The following COL2A1 variants were observed in gnomAD, a reference collection of about 807,000 sequenced individuals.
The protein encoded by COL2A1 is collagen alpha-1(II) chain.
A neutral mutation model predicts 204.5 loss-of-function variants in COL2A1; 28 were observed. That is an observed-to-expected ratio of 0.14 (90% CI 0.10 to 0.19). COL2A1 has a LOEUF of 0.19. Among genes scored for constraint, COL2A1 ranks in the 10% least tolerant of loss-of-function variants. COL2A1 has a pLI of 1.00. For synonymous variants in COL2A1, 708 were observed against 718.7 expected, an observed-to-expected ratio of 0.99 and a Z score of 0.24; for missense variants, 1,388 against 2,027.5, an observed-to-expected ratio of 0.68 and a Z score of 6.06.
chr12:47,995,657 G>A lies in COL2A1; in HGVS notation c.708+53C>T, dbSNP rs1417188237. ...AGGGACAGCAGCTGCGGTCCTAGTG[G>A]TCTATCATTAGAGGCTCCCCCAGAG... On this transcript the variant is annotated intron_variant, in intron 10 of 53. Coordinates refer to ENST00000380518, the MANE Select transcript of COL2A1 (RefSeq NM_001844.5). 2.6e-6 allele frequency: 4 copies of A among 1,544,862 alleles called. No individual in the cohort carries two copies. The African/African-American group carries it at 4.1e-5, about 16-fold the overall frequency.
At position 47,995,293 on chromosome 12, in the gene COL2A1, G is replaced by C; in HGVS notation, c.724C>G (p.Arg242Gly). The C allele has an allele frequency of 6.2e-7, 1 of 1,613,550 alleles. No individual in the cohort carries two copies. The highest frequency in any genetic ancestry group is 1.1e-5 in the South Asian group (1 of 91,066). The change falls in exon 11 of 54, where the codon CGT becomes GGT. Residue 242 changes from arginine (R) to glycine (G), a missense_variant. Arg to Gly is a moderately radical substitution (Grantham distance 125). Coordinates refer to ENST00000380518, the MANE Select transcript of COL2A1 (RefSeq NM_001844.5). ...EPGVSGPMGPRGPPGPPGKPG... is the reference protein window; with the variant it reads ...EPGVSGPMGPGGPPGPPGKPG... ...TTTCCAGGGGGACCAGGAGGACCAC[G>C]GGGACCCATGGGACCCTACAAACAA...
intron 47 of COL2A1, 34 bp downstream of exon 47, chr12:47,977,068 G>A: frequency 6.3e-7 from 1 of 1,593,066 alleles, no homozygotes; most frequent in South Asian, 1.1e-5. Flanking sequence ...CCTATCCCTG[G>A]TGGGGACTCA....
chr12:47,981,302 G>A, intron 37 of COL2A1, 41 bp downstream of exon 37: 1 of 1,603,118 alleles, frequency 6.2e-7, no homozygotes, highest in East Asian at 2.2e-5. Flanking sequence ...TGGTTCCCAG[G>A]GGCCTCGGGC....
chr12:47,981,308 C>T (rs755370016), intron 37 of COL2A1, 35 bp downstream of exon 37: 40 of 1,606,520 alleles, frequency 2.5e-5, no homozygotes, highest in South Asian at 1.5e-4. Flanking sequence ...CCAGGGGCCT[C>T]GGGCAGAGCC....
At position 47,980,998 on chromosome 12, in the gene COL2A1, C is replaced by G; in HGVS notation, c.2464-30G>C. 6.5e-7 allele frequency: 1 copy of G among 1,546,914 alleles called. No individual in the cohort carries two copies. Among genetic ancestry groups the G allele is most frequent in the Non-Finnish European group, 8.7e-7 (1 of 1,144,610 alleles). On this transcript the variant is annotated intron_variant, in intron 37 of 53. Coordinates refer to ENST00000380518, the MANE Select transcript of COL2A1 (RefSeq NM_001844.5). The surrounding 1 kb of genome is among the most constrained non-coding windows in gnomAD (Gnocchi z 4.5). ...GAGAGAAGGGGGCATGGCGAGAGGT[C>G]AGGCCCCGCTGCCTGACCTGCTTCT...
At chr12:47,989,404 T>TA (rs1366576344) in intron 17 of COL2A1, 123 bp from the exon 18 acceptor site, 1 of 890,726 alleles carries the variant, frequency 1.1e-6, no homozygotes, top group Non-Finnish European at 1.8e-6. Context: ...CCATTGTGGC[T>TA]AAAAGGCCTT....
chr12:47,992,112 T>A lies in COL2A1; in HGVS notation c.1023+766A>T, dbSNP rs546786115. ...TAATCTTTCTTAAACACAGCTTTCA[T>A]CGCATCACTCGCCTGACCAAGTGCC... is the stretch of plus-strand genomic sequence containing the variant. On this transcript the variant is annotated intron_variant, in intron 16 of 53. Transcript: ENST00000380518. Among the ~76,000 whole-genome samples the A allele has an allele frequency of 3.3e-5, 5 of 152,280 alleles. No homozygotes were observed. In the East Asian group the frequency reaches 9.7e-4, roughly 29 times the overall value.
intron 16 of COL2A1, among the ~76,000 whole-genome samples, chr12:47,991,186 C>T (rs1196007831): frequency 6.6e-6 from 1 of 152,180 alleles, no homozygotes; most frequent in Non-Finnish European, 1.5e-5. Context: ...TCTGGAGCAC[C>T]CTCTCCCCAG....
chr12:47,999,802 G>T, intron 2 of COL2A1, 117 bp downstream of exon 2: 1 of 864,574 alleles, frequency 1.2e-6, no homozygotes, highest in Non-Finnish European at 1.9e-6. Context: ...CCAGCTACCA[G>T]GTCCCATGGA....
chr12:47,981,009 GC>G, intron 37 of COL2A1, 41 bp from the exon 38 acceptor site: 1 of 1,536,384 alleles, frequency 6.5e-7, no homozygotes, highest in Non-Finnish European at 8.8e-7. Context: ...AGGCCCCGCT[GC>G]CTGACCTGCT....
At chr12:47,973,953 T>G (rs1938561230) in intron 53 of COL2A1, 136 bp downstream of exon 53, 1 of 1,256,208 alleles carries the variant, frequency 8.0e-7, no homozygotes, top group Admixed American at 1.8e-5. Flanking sequence ...CAGCCTATCT[T>G]CTCTACATGA....
At chr12:47,986,110 G>A (rs1939389350) in intron 23 of COL2A1, 145 bp from the exon 24 acceptor site, 1 of 881,396 alleles carries the variant, frequency 1.1e-6, no homozygotes, top group African/African-American at 1.7e-5. Context: ...GTTAACTTCT[G>A]GAGCCTGCCC....
rs1938721843 is a variant in COL2A1 at position 47,976,627 on chromosome 12, G to A, written c.3436-60C>T. ...GCACAGACATATCTATCTATATTCTGGGAGCTGGGGGAACAGCTTTATGTC... is the reference window on the plus strand; with the variant it reads ...GCACAGACATATCTATCTATATTCTAGGAGCTGGGGGAACAGCTTTATGTC... On this transcript the variant is annotated intron_variant, in intron 48 of 53. Transcript: ENST00000380518. The surrounding 1 kb of genome is among the most constrained non-coding windows in gnomAD (Gnocchi z 4.3). 4 of 1,556,692 alleles carry A rather than the reference G, an allele frequency of 2.6e-6. No individual in the cohort carries two copies. Among genetic ancestry groups the A allele is most frequent in the Non-Finnish European group, 3.5e-6 (4 of 1,128,836 alleles).
chr12:47,974,943 AG>A, intron 51 of COL2A1, 81 bp from the exon 52 acceptor site: 6 of 1,394,342 alleles, frequency 4.3e-6, no homozygotes, highest in Non-Finnish European at 5.9e-6. Context: ...CCTGACTGAA[AG>A]AGACAGAGAG....
At chr12:47,982,687 AG>A in intron 33 of COL2A1, 78 bp from the exon 34 acceptor site, 1 of 1,305,670 alleles carries the variant, frequency 7.7e-7, no homozygotes. Context: ...CTGGGTAACC[AG>A]GGCCCCAAAC....
chr12:47,984,098 G>T lies in COL2A1; in HGVS notation c.1930C>A (p.Pro644Thr). 6.2e-7 allele frequency: 1 copy of T among 1,613,230 alleles called. No homozygotes were observed. The highest frequency in any genetic ancestry group is 8.5e-7 in the Non-Finnish European group (1 of 1,179,690). The change falls in exon 29 of 54, where the codon CCT becomes ACT. Residue 644 changes from proline (P) to threonine (T), a missense_variant. This residue lies in a region of COL2A1 where 884 missense variants were observed against 1,415.8 expected (regional missense o/e 0.62). Transcript: ENST00000380518. ...KDGETGAAGPPGPAGPAGERG... is the reference protein window; with the variant it reads ...KDGETGAAGPTGPAGPAGERG... ...GGGCAGGTACTTACAGCAGGGCCAG[G>T]GGGTCCTGCAGCACCTGTCTCACCA...
chr12:47,989,702 C>T, intron 17 of COL2A1, 59 bp downstream of exon 17: 1 of 1,495,430 alleles, frequency 6.7e-7, no homozygotes, highest in Non-Finnish European at 9.3e-7. Flanking sequence ...CTGCCTTGGG[C>T]TGCTTAACGG....
In COL2A1 at chr12:47,991,906, G is replaced by T. The variant is rs536981186; in HGVS notation, c.1023+972C>A. The stretch of plus-strand genomic sequence containing the variant: ...CTTCAGCAGCTCTGGCTGACAAAGG[G>T]GGGTCGAGGCTTCTGCTTATTTCAC... On this transcript the variant is annotated intron_variant, in intron 16 of 53. Transcript: ENST00000380518. Among the ~76,000 whole-genome samples, 3 of 152,314 alleles carry T rather than the reference G, an allele frequency of 2.0e-5. No individual in the cohort carries two copies. In the South Asian group the frequency reaches 6.2e-4, roughly 32 times the overall value.
intron 28 of COL2A1, 73 bp downstream of exon 28, chr12:47,984,473 G>A: frequency 6.7e-7 from 1 of 1,488,646 alleles, no homozygotes; most frequent in Admixed American, 1.7e-5. Context: ...ATGCCATGGG[G>A]AGGCCGTTCC....
Sources: gnomAD v4.1 joint callset for allele counts (sites outside exome capture counted in the v4.1 genomes callset) on GRCh38, gnomAD v4.1.1 for gene constraint, gnomAD v4.1.1 regional missense constraint, Gnocchi (gnomAD v3.1) non-coding constraint, MANE v1.5 for transcripts, NCBI Gene and HGNC (gene_info 2026-07-23, HGNC 2026-07-21) for gene names.